The following PDE3A variants were observed in gnomAD, a reference collection of about 807,000 sequenced individuals.
PDE3A encodes cGMP-inhibited 3',5'-cyclic phosphodiesterase 3A.
A neutral mutation model predicts 98.3 loss-of-function variants in PDE3A; 43 were observed. The observed-to-expected ratio is 0.44, with a 90% CI of 0.34 to 0.56. PDE3A has a LOEUF of 0.56. PDE3A is among the 20% of genes least tolerant of loss of function. The pLI, the probability that PDE3A is intolerant of heterozygous loss-of-function variation, is 0.01. For missense variants in PDE3A, 1,427 were observed against 1,440.7 expected, an observed-to-expected ratio of 0.99 and a Z score of 0.15; for synonymous variants, 663 against 567.9, an observed-to-expected ratio of 1.17 and a Z score of -2.38.
chr12:20,648,908 C>G lies in PDE3A; in HGVS notation c.2769+17C>G, dbSNP rs767058383. On this transcript the variant is annotated intron_variant, in intron 13 of 15. Coordinates refer to ENST00000359062, the MANE Select transcript of PDE3A (RefSeq NM_000921.5). ...AATGGCAAGGTAAATAGAGCTGTAC[C>G]CAGTTTTCTTTTCTTTTTCTTTTTT... 4.2e-6 allele frequency: 6 copies of G among 1,434,874 alleles called. No individual in the cohort carries two copies. The East Asian group carries it at 1.1e-4, about 27-fold the overall frequency. 88.9% of individuals were successfully genotyped at this position (1,434,874 alleles called of 1,614,324 possible). A position where few individuals can be genotyped will look rare whatever the true frequency, so the allele number is the denominator to read the frequency against.
At chr12:20,380,067 C>T (rs980243825) in intron 1 of PDE3A, among the ~76,000 whole-genome samples, 1 of 151,818 alleles carries the variant, frequency 6.6e-6, no homozygotes, top group Non-Finnish European at 1.5e-5. Flanking sequence ...TTATTTTCTT[C>T]CATTCCATCC....
At chr12:20,566,531 T>C (rs1443783018) in intron 2 of PDE3A, among the ~76,000 whole-genome samples, 2 of 151,804 alleles carry the variant, frequency 1.3e-5, no homozygotes, top group African/African-American at 4.8e-5. Flanking sequence ...TTTTTTTAAG[T>C]TTAGGAGGAA....
intron 15 of PDE3A, among the ~76,000 whole-genome samples, chr12:20,671,997 CAA>C (rs1346092471): frequency 6.7e-6 from 1 of 149,942 alleles, no homozygotes; most frequent in African/African-American, 2.5e-5. Flanking sequence ...GCAACTTCAG[CAA>C]AGTCTCAGGA....
chr12:20,445,526 G>C (rs1944939488), intron 1 of PDE3A, among the ~76,000 whole-genome samples: 1 of 152,170 alleles, frequency 6.6e-6, no homozygotes, highest in Non-Finnish European at 1.5e-5. Flanking sequence ...ATGAGGTGAA[G>C]CTGTATTAAA....
At chr12:20,632,899 G>C (rs1944413655) in intron 6 of PDE3A, among the ~76,000 whole-genome samples, 1 of 148,316 alleles carries the variant, frequency 6.7e-6, no homozygotes, top group Non-Finnish European at 1.5e-5. Flanking sequence ...GTTCTGTTTA[G>C]ACATAAAAAT....
In PDE3A at chr12:20,384,786, G is replaced by C. The variant is rs11045199; in HGVS notation, c.960+14542G>C. On this transcript the variant is annotated intron_variant, in intron 1 of 15. Transcript: ENST00000359062. ...TATAAGTGAAAACATGTGGTGTTTG[G>C]TTTTCTGTTTCTGCATTAGTTTGCT... 8.9e-3 allele frequency among the ~76,000 whole-genome samples: 1,348 copies of C among 152,096 alleles called. 19 individuals are homozygous for C. Among genetic ancestry groups the C allele is most frequent in the African/African-American group, 0.03 (1,251 of 41,498 alleles).
intron 1 of PDE3A, among the ~76,000 whole-genome samples, chr12:20,433,548 G>T (rs745977891): frequency 1.3e-5 from 2 of 152,062 alleles, no homozygotes; most frequent in Non-Finnish European, 2.9e-5. Context: ...TCTCAAGGAA[G>T]CTGTGTATTT....
intron 1 of PDE3A, among the ~76,000 whole-genome samples, chr12:20,428,690 A>G (rs1160653173): frequency 2.0e-5 from 3 of 152,332 alleles, no homozygotes; most frequent in East Asian, 3.9e-4. Flanking sequence ...CAATAACAAC[A>G]TACATGCTTT....
At chr12:20,611,863 G>A (rs1943863270) in intron 2 of PDE3A, among the ~76,000 whole-genome samples, 1 of 149,736 alleles carries the variant, frequency 6.7e-6, no homozygotes, top group African/African-American at 2.5e-5. Flanking sequence ...TTTAAACAAG[G>A]ATAGACAACT....
intron 15 of PDE3A, among the ~76,000 whole-genome samples, chr12:20,663,127 G>A (rs1185020196): frequency 6.6e-6 from 1 of 152,168 alleles, no homozygotes; most frequent in Non-Finnish European, 1.5e-5. Context: ...ATCATGTTAG[G>A]TCTGTGGTGT....
intron 1 of PDE3A, among the ~76,000 whole-genome samples, chr12:20,433,391 T>A (rs1432206001): frequency 1.3e-5 from 2 of 152,088 alleles, no homozygotes; most frequent in Non-Finnish European, 2.9e-5. Flanking sequence ...TAGAAAAAAA[T>A]TTGAGATCTA....
At chr12:20,525,190 C>T (rs1946493994) in intron 1 of PDE3A, among the ~76,000 whole-genome samples, 1 of 152,156 alleles carries the variant, frequency 6.6e-6, no homozygotes, top group African/African-American at 2.4e-5. Flanking sequence ...AGTTATTATT[C>T]TCCCTGTGCG....
chr12:20,429,629 T>C (rs1440858096), intron 1 of PDE3A, among the ~76,000 whole-genome samples: 2 of 152,170 alleles, frequency 1.3e-5, no homozygotes, highest in East Asian at 1.9e-4. Context: ...ACTTAGAAGG[T>C]AGATATTGTT....
At chr12:20,536,642 A>C (rs1469494631) in intron 1 of PDE3A, among the ~76,000 whole-genome samples, 1 of 152,112 alleles carries the variant, frequency 6.6e-6, no homozygotes, top group Non-Finnish European at 1.5e-5. Flanking sequence ...AAATATTTGC[A>C]GTCTTTTGTA....
At chr12:20,425,683 A>C (rs1944591471) in intron 1 of PDE3A, among the ~76,000 whole-genome samples, 1 of 152,190 alleles carries the variant, frequency 6.6e-6, no homozygotes, top group Non-Finnish European at 1.5e-5. Context: ...TGCTTAGCAT[A>C]GTTCTATTTA....
intron 1 of PDE3A, among the ~76,000 whole-genome samples, chr12:20,499,394 T>G (rs139424045): frequency 0.02 from 3,108 of 152,304 alleles, 62 homozygotes; most frequent in Middle Eastern, 0.13. Context: ...GGATGCCGAT[T>G]ACAATTTGAC....
chr12:20,623,287 CA>C (rs11310271), intron 5 of PDE3A, among the ~76,000 whole-genome samples: 48,261 of 151,726 alleles, frequency 0.32, 7,737 homozygotes, highest in Admixed American at 0.38. Flanking sequence ...AGATAGAAGA[CA>C]AAAAATACTT....
chr12:20,527,269 TA>T, intron 1 of PDE3A, among the ~76,000 whole-genome samples: 1 of 152,174 alleles, frequency 6.6e-6, no homozygotes, highest in East Asian at 1.9e-4. Context: ...GAAACATAAT[TA>T]AATAGCTTCT....
intron 1 of PDE3A, among the ~76,000 whole-genome samples, chr12:20,421,035 A>C (rs1158655378): frequency 6.6e-6 from 1 of 152,182 alleles, no homozygotes; most frequent in Non-Finnish European, 1.5e-5. Context: ...ATTTAAGAGC[A>C]GAAACAAAGT....
Sources: gnomAD v4.1 joint callset for allele counts (sites outside exome capture counted in the v4.1 genomes callset) on GRCh38, gnomAD v4.1.1 for gene constraint, MANE v1.5 for transcripts, NCBI Gene and HGNC (gene_info 2026-07-23, HGNC 2026-07-21) for gene names.